Variants in PKHD1 observed in about 807,000 individuals in gnomAD.
PKHD1 encodes the protein PKHD1 ciliary IPT domain containing fibrocystin/polyductin, also known as fibrocystin.
PKHD1 carries 291 observed loss-of-function variants against 412.0 expected under a neutral mutation model. That is an observed-to-expected ratio of 0.71 (90% CI 0.64 to 0.78). The LOEUF (loss-of-function observed/expected upper bound fraction) is 0.78, where lower values mean the gene tolerates loss of function less well. Among genes scored for constraint, PKHD1 ranks in the 30% least tolerant of loss-of-function variants. The pLI is 0.00. For synonymous variants in PKHD1, 1,777 were observed against 1,821.5 expected (o/e 0.98, Z 0.62); for missense variants, 4,825 against 4,950.7 (o/e 0.97, Z 0.76).
chr6:51,872,638 A>G (rs908390335), intron 46 of PKHD1, among the ~76,000 whole-genome samples: 4 of 152,052 alleles, frequency 2.6e-5, no homozygotes, highest in African/African-American at 7.2e-5. Flanking sequence ...CCAACCCCTG[A>G]CCTCAGGTGA....
intron 64 of PKHD1, among the ~76,000 whole-genome samples, chr6:51,637,298 C>T (rs1768704600): frequency 6.6e-6 from 1 of 152,176 alleles, no homozygotes; most frequent in Admixed American, 6.5e-5. Context: ...AGCACAATCC[C>T]TGGGAATTGG....
intron 64 of PKHD1, 108 bp from the exon 65 acceptor site, chr6:51,632,831 G>T: frequency 1.3e-6 from 1 of 756,144 alleles, no homozygotes; most frequent in South Asian, 1.8e-5. Context: ...GATATAGTAG[G>T]TGTTCAATAT....
intron 36 of PKHD1, among the ~76,000 whole-genome samples, chr6:51,952,422 G>C (rs892771588): frequency 1.3e-5 from 2 of 152,112 alleles, no homozygotes; most frequent in African/African-American, 2.4e-5. Flanking sequence ...GCCATTATTT[G>C]AGTACCTGTT....
intron 52 of PKHD1, among the ~76,000 whole-genome samples, chr6:51,818,441 G>A (rs1765834579): frequency 6.6e-6 from 1 of 152,096 alleles, no homozygotes; most frequent in Non-Finnish European, 1.5e-5. Flanking sequence ...ACAGTGTAAT[G>A]AACTAGACAG....
At chr6:51,801,320 A>G (rs1412039320) in intron 52 of PKHD1, among the ~76,000 whole-genome samples, 1 of 152,186 alleles carries the variant, frequency 6.6e-6, no homozygotes, top group Non-Finnish European at 1.5e-5. Context: ...AGTGTCAAGT[A>G]GACTAATTTA....
intron 43 of PKHD1, among the ~76,000 whole-genome samples, chr6:51,897,273 G>A (rs1054310090): frequency 6.6e-6 from 1 of 151,616 alleles, no homozygotes; most frequent in African/African-American, 2.4e-5. Context: ...GAAAGGTCGG[G>A]TTACCCTCAA....
intron 34 of PKHD1, among the ~76,000 whole-genome samples, chr6:52,013,550 A>G (rs748083043): frequency 9.2e-5 from 14 of 152,204 alleles, no homozygotes; most frequent in Non-Finnish European, 1.8e-4. Flanking sequence ...TGAATTAAGA[A>G]GCACAGTTGG....
chr6:51,869,438 C>T (rs183748362), intron 47 of PKHD1, among the ~76,000 whole-genome samples: 1 of 152,202 alleles, frequency 6.6e-6, no homozygotes, highest in African/African-American at 2.4e-5. Flanking sequence ...TAGGCTTGGA[C>T]ATTTATTTTA....
At chr6:51,921,472 C>T (rs1297891055) in intron 37 of PKHD1, among the ~76,000 whole-genome samples, 2 of 152,144 alleles carry the variant, frequency 1.3e-5, no homozygotes, top group Non-Finnish European at 2.9e-5. Context: ...GAATGTTGGC[C>T]TGCCTTGCTA....
chr6:51,785,757 G>C (rs1792751046), intron 53 of PKHD1, among the ~76,000 whole-genome samples: 2 of 151,992 alleles, frequency 1.3e-5, no homozygotes, highest in African/African-American at 4.8e-5. Flanking sequence ...TCAAAGACTT[G>C]CGCTCCTCAA....
At chr6:51,767,169 T>C (rs1789192846) in intron 55 of PKHD1, among the ~76,000 whole-genome samples, 1 of 152,072 alleles carries the variant, frequency 6.6e-6, no homozygotes, top group Non-Finnish European at 1.5e-5. Flanking sequence ...CTTGGTATTC[T>C]TTTTAGTTTT....
chr6:52,021,432 G>A (rs1332891347), intron 33 of PKHD1, among the ~76,000 whole-genome samples: 1 of 152,130 alleles, frequency 6.6e-6, no homozygotes, highest in East Asian at 1.9e-4. Context: ...ATATATGAAA[G>A]CTTTTTTAAA....
At chr6:52,055,874 G>A in intron 18 of PKHD1, 145 bp from the exon 19 acceptor site, 3 of 760,318 alleles carry the variant, frequency 3.9e-6, no homozygotes, top group Non-Finnish European at 6.3e-6. Flanking sequence ...CCTTGAGTAA[G>A]TAACTCAACC....
intron 54 of PKHD1, 100 bp from the exon 55 acceptor site, chr6:51,772,889 G>A (rs1790393453): frequency 4.0e-6 from 3 of 753,358 alleles, no homozygotes; most frequent in Admixed American, 1.8e-5. Context: ...CAAAACATGT[G>A]ATATAGAATC....
intron 35 of PKHD1, among the ~76,000 whole-genome samples, chr6:51,982,616 CTCG>C (rs1795595245): frequency 6.8e-6 from 1 of 148,114 alleles, no homozygotes; most frequent in Admixed American, 6.7e-5. Flanking sequence ...AGGCAGCATG[CTCG>C]TCAAGAGTCA....
At chr6:51,693,103 G>C (rs1379704858) in intron 60 of PKHD1, among the ~76,000 whole-genome samples, 1 of 152,024 alleles carries the variant, frequency 6.6e-6, no homozygotes, top group African/African-American at 2.4e-5. Context: ...TCAGTTATTT[G>C]TCAACACATA....
intron 13 of PKHD1, among the ~76,000 whole-genome samples, chr6:52,063,554 AG>A (rs1809005892): frequency 1.3e-5 from 2 of 152,278 alleles, no homozygotes; most frequent in Admixed American, 1.3e-4. Flanking sequence ...TAAACAGAAA[AG>A]TAAGAGCATA....
chr6:51,676,787 T>C (rs1374789350), intron 60 of PKHD1, among the ~76,000 whole-genome samples: 5 of 152,184 alleles, frequency 3.3e-5, no homozygotes, highest in Admixed American at 2.6e-4. Flanking sequence ...CAAAGAATTA[T>C]TAAAGAAAAT....
chr6:51,721,809 T>G, intron 60 of PKHD1: 19 of 1,489,882 alleles, frequency 1.3e-5, no homozygotes, highest in Non-Finnish European at 1.7e-5. Flanking sequence ...TACCATCCTC[T>G]CCATTCTGGC....
Sources: gnomAD v4.1 joint callset for allele counts (sites outside exome capture counted in the v4.1 genomes callset) on GRCh38, gnomAD v4.1.1 for gene constraint, MANE v1.5 for transcripts, NCBI Gene and HGNC (gene_info 2026-07-23, HGNC 2026-07-21) for gene names.